The following WDR7 variants were observed in gnomAD, a reference collection of about 807,000 sequenced individuals.
The protein encoded by WDR7 is WD repeat domain 7.
In WDR7, 46 loss-of-function variants were observed where a neutral mutation model predicts 169.4. The ratio of observed to expected loss-of-function variants is 0.27; its 90% confidence interval spans 0.21 to 0.35. The LOEUF (loss-of-function observed/expected upper bound fraction) is 0.35. Among genes scored for constraint, WDR7 ranks in the 10% least tolerant of loss-of-function variants. The probability of loss-of-function intolerance (pLI) is 1.00; values close to 1 mark genes in which losing one functional copy is unlikely to be tolerated. For missense variants in WDR7, 1,534 were observed against 1,859.3 expected (o/e 0.83, Z 3.22); for synonymous variants, 612 against 666.8 (o/e 0.92, Z 1.27).
At chr18:56,958,498 A>C (rs2047288983) in intron 25 of WDR7, among the ~76,000 whole-genome samples, 1 of 152,064 alleles carries the variant, frequency 6.6e-6, no homozygotes, top group Non-Finnish European at 1.5e-5. Flanking sequence ...TTGAAAATAT[A>C]TTTTATTGTG....
chr18:56,942,519 A>G (rs1039294077), intron 25 of WDR7, among the ~76,000 whole-genome samples: 1 of 152,230 alleles, frequency 6.6e-6, no homozygotes, highest in African/African-American at 2.4e-5. Flanking sequence ...TTATTTCATC[A>G]GGGTGGTCCT....
intron 21 of WDR7, among the ~76,000 whole-genome samples, chr18:56,916,122 AT>A (rs933061569): frequency 5.9e-5 from 9 of 152,018 alleles, no homozygotes; most frequent in Non-Finnish European, 8.8e-5. Flanking sequence ...CTTAGACAAA[AT>A]TTTTTTTATT....
At chr18:56,852,707 TA>T in intron 20 of WDR7, among the ~76,000 whole-genome samples, 1 of 152,216 alleles carries the variant, frequency 6.6e-6, no homozygotes, top group African/African-American at 2.4e-5. Flanking sequence ...TTATTAAATG[TA>T]AAAAAACAAG....
intron 20 of WDR7, among the ~76,000 whole-genome samples, chr18:56,818,945 T>C (rs2045031948): frequency 6.6e-6 from 1 of 152,176 alleles, no homozygotes; most frequent in African/African-American, 2.4e-5. Flanking sequence ...TTCAGGGAAT[T>C]CTTATTTGAA....
At chr18:57,006,655 C>CCT (rs761213405) in intron 26 of WDR7, among the ~76,000 whole-genome samples, 128 of 152,202 alleles carry the variant, frequency 8.4e-4, no homozygotes, top group Admixed American at 2.1e-3. Flanking sequence ...AGGTAAATTA[C>CCT]CTTTGGCCAA....
At chr18:56,747,042 A>G (rs186767748) in intron 14 of WDR7, among the ~76,000 whole-genome samples, 74 of 152,352 alleles carry the variant, frequency 4.9e-4, no homozygotes, top group African/African-American at 1.6e-3. Flanking sequence ...TGCTCAGCAC[A>G]GTGTTCATTG....
At chr18:56,706,503 GT>G (rs2025958594) in intron 12 of WDR7, among the ~76,000 whole-genome samples, 1 of 152,124 alleles carries the variant, frequency 6.6e-6, no homozygotes, top group South Asian at 2.1e-4. Context: ...TTTCTGTGAA[GT>G]GTTGGTTTAA....
At chr18:56,791,470 G>A (rs1457426071) in intron 19 of WDR7, among the ~76,000 whole-genome samples, 1 of 152,096 alleles carries the variant, frequency 6.6e-6, no homozygotes, top group African/African-American at 2.4e-5. Context: ...CCTTCTAGCA[G>A]GTGGCTACTA....
chr18:56,760,369 C>T (rs1213652904), intron 16 of WDR7, among the ~76,000 whole-genome samples: 1 of 152,098 alleles, frequency 6.6e-6, no homozygotes, highest in Non-Finnish European at 1.5e-5. Context: ...TACAGTTGTA[C>T]CACCTAAGTT....
chr18:56,669,669 T>C (rs1598947831), intron 1 of WDR7, among the ~76,000 whole-genome samples: 1 of 152,102 alleles, frequency 6.6e-6, no homozygotes, highest in Non-Finnish European at 1.5e-5. Context: ...TATAATATTT[T>C]GGAGAATTAG....
chr18:56,972,426 T>C (rs1031364758), intron 26 of WDR7, among the ~76,000 whole-genome samples: 2 of 152,328 alleles, frequency 1.3e-5, no homozygotes, highest in Non-Finnish European at 2.9e-5. Context: ...AGGGCACTTA[T>C]GTGGTGATTG....
At chr18:56,854,689 G>A (rs2045692326) in intron 20 of WDR7, among the ~76,000 whole-genome samples, 1 of 152,166 alleles carries the variant, frequency 6.6e-6, no homozygotes, top group Non-Finnish European at 1.5e-5. Flanking sequence ...CCCAGGTATA[G>A]GGTAGGACCC....
At chr18:56,730,972 G>GA (rs568442903) in intron 13 of WDR7, among the ~76,000 whole-genome samples, 1 of 151,794 alleles carries the variant, frequency 6.6e-6, no homozygotes, top group Non-Finnish European at 1.5e-5. Flanking sequence ...ATTCAATGAG[G>GA]AAAAAAACAA....
At position 56,682,673 on chromosome 18, in the gene WDR7, A is replaced by G; in HGVS notation, c.346-6A>G. On this transcript the variant is annotated splice_polypyrimidine_tract_variant and splice_region_variant and intron_variant, in intron 4 of 27. Coordinates refer to ENST00000254442, the MANE Select transcript of WDR7 (RefSeq NM_015285.3). The stretch of plus-strand genomic sequence containing the variant: ...GAAATCTTTTTTCCTTTTGGCATGA[A>G]TGTAGTTCTACCAGTTCTCTGTTGG... 1 of 1,609,402 alleles carries G rather than the reference A, an allele frequency of 6.2e-7. No homozygotes were observed. The highest frequency in any genetic ancestry group is 1.3e-5 in the African/African-American group (1 of 74,726).
rs2144780788 is a variant in WDR7, at chr18:56,726,242, C to A, written c.1775-5141C>A. On this transcript the variant is annotated intron_variant, in intron 13 of 27. Transcript: ENST00000254442. ...CATTGAATCTATAAATTACCTTGGG[C>A]AGTATGGCCATTTTCACGACATTGA... Among the ~76,000 whole-genome samples the A allele has an allele frequency of 2.0e-5, 3 of 152,214 alleles. No individual in the cohort carries two copies. The Middle Eastern group carries it at 0.01, about 518-fold the overall frequency.
intron 12 of WDR7, among the ~76,000 whole-genome samples, chr18:56,699,359 T>C (rs544441188): frequency 1.3e-5 from 2 of 152,364 alleles, no homozygotes; most frequent in East Asian, 3.9e-4. Flanking sequence ...CTCTCATAAA[T>C]TGACCCAGTG....
chr18:56,709,885 C>T (rs1253824930), intron 12 of WDR7, among the ~76,000 whole-genome samples: 1 of 151,524 alleles, frequency 6.6e-6, no homozygotes, highest in Non-Finnish European at 1.5e-5. Flanking sequence ...GTTTTCATTC[C>T]ACCTTGATTA....
chr18:56,969,711 T>C (rs1033363587), intron 26 of WDR7, among the ~76,000 whole-genome samples: 5 of 152,226 alleles, frequency 3.3e-5, no homozygotes, highest in African/African-American at 1.2e-4. Context: ...AAATTAATTT[T>C]GCCTGCCCTT....
intron 21 of WDR7, among the ~76,000 whole-genome samples, chr18:56,913,103 A>G (rs539167862): frequency 6.6e-6 from 1 of 152,026 alleles, no homozygotes; most frequent in Non-Finnish European, 1.5e-5. Context: ...TGATTGCCTG[A>G]GCTCAAACGA....
Sources: allele counts gnomAD v4.1 joint callset (sites outside exome capture counted in the v4.1 genomes callset), GRCh38; gene constraint gnomAD v4.1.1; transcripts MANE v1.5; gene names NCBI Gene and HGNC (gene_info 2026-07-23, HGNC 2026-07-21).